Variants in RANBP2 observed in about 807,000 individuals in gnomAD.
RANBP2 encodes E3 SUMO-protein ligase RanBP2.
Under a neutral mutation model 303.6 loss-of-function variants are expected in RANBP2, and 57 were observed. That is an observed-to-expected ratio of 0.19 (90% CI 0.15 to 0.23). The LOEUF is 0.23. Ranked by LOEUF, RANBP2 falls within the 10% of genes least tolerant of loss-of-function variation. The probability of loss-of-function intolerance (pLI) is 1.00; values close to 1 mark genes in which losing one functional copy is unlikely to be tolerated. For synonymous variants in RANBP2, 1,167 were observed against 1,301.5 expected (o/e 0.90, Z 2.23); for missense variants, 3,138 against 3,780.8 (o/e 0.83, Z 4.46).
the RANBP2 span, among the ~76,000 whole-genome samples, chr2:109,162,040 C>T: frequency 6.6e-6 from 1 of 152,098 alleles, no homozygotes; most frequent in African/African-American, 2.4e-5. Flanking sequence ...TGGGATGTGT[C>T]CTCAGGATCT....
chr2:109,468,451 A>C, the RANBP2 span, among the ~76,000 whole-genome samples: 1 of 152,186 alleles, frequency 6.6e-6, no homozygotes, highest in Non-Finnish European at 1.5e-5. Flanking sequence ...AAACGTCCTT[A>C]TGTAACACAT....
the RANBP2 span, among the ~76,000 whole-genome samples, chr2:109,368,490 G>A: frequency 6.6e-6 from 1 of 151,388 alleles, no homozygotes; most frequent in African/African-American, 2.4e-5. Context: ...GATTATTGCT[G>A]GTATATGAGA....
At position 108,768,009 on chromosome 2, in the gene RANBP2, T is replaced by G; in HGVS notation, c.7470T>G (p.Asp2490Glu). ...TDVIQGDDVADATSEVEVSST... is the reference protein window; with the variant it reads ...TDVIQGDDVAEATSEVEVSST... ...TTATTCAGGGTGATGATGTAGCAGA[T>G]GCAACTTCAGAAGTTGAAGTGTCTA... Residue 2490 changes from aspartate to glutamate, a missense_variant, in exon 20 of 29, where the codon GAT becomes GAG. Physicochemically the swap from Asp to Glu is conservative, Grantham distance 45. Coordinates refer to ENST00000283195, the MANE Select transcript of RANBP2 (RefSeq NM_006267.5). 1 of 1,612,044 alleles carries G rather than the reference T, an allele frequency of 6.2e-7. No individual in the cohort carries two copies. Among genetic ancestry groups the G allele is most frequent in the Non-Finnish European group, 8.5e-7 (1 of 1,179,872 alleles).
At chr2:108,972,963 G>T in the RANBP2 span, among the ~76,000 whole-genome samples, 1 of 152,184 alleles carries the variant, frequency 6.6e-6, no homozygotes, top group Admixed American at 6.5e-5. Context: ...GTCTCAGCAG[G>T]TGTTTATTTT....
chr2:108,843,918 T>A, the RANBP2 span, among the ~76,000 whole-genome samples: 2 of 119,248 alleles, frequency 1.7e-5, no homozygotes, highest in Non-Finnish European at 3.4e-5. Flanking sequence ...TGAGACAGGG[T>A]CTTGCTCTGT....
downstream of RANBP2, among the ~76,000 whole-genome samples, chr2:108,786,180 T>C (rs1374188514): frequency 6.6e-6 from 1 of 152,026 alleles, no homozygotes; most frequent in East Asian, 1.9e-4. Flanking sequence ...CTATTCTTTT[T>C]AATACCCTGT....
intron 6 of RANBP2, among the ~76,000 whole-genome samples, chr2:108,737,330 TCTTTC>T (rs1375551867): frequency 2.1e-5 from 3 of 145,366 alleles, no homozygotes; most frequent in Admixed American, 1.4e-4. Context: ...TTTCTTTCTT[TCTTTC>T]TTTTTTTTTT....
the RANBP2 span, among the ~76,000 whole-genome samples, chr2:109,014,857 C>T: frequency 2.6e-5 from 4 of 152,196 alleles, no homozygotes; most frequent in Admixed American, 6.5e-5. Context: ...CGCGGTGGCT[C>T]ACGCCTGTAA....
chr2:109,046,540 G>C, the RANBP2 span, among the ~76,000 whole-genome samples: 1 of 151,338 alleles, frequency 6.6e-6, no homozygotes, highest in African/African-American at 2.4e-5. Context: ...CCAGGTAGCT[G>C]GGATTAGAGG....
the RANBP2 span, among the ~76,000 whole-genome samples, chr2:109,284,075 C>T: frequency 6.6e-6 from 1 of 152,154 alleles, no homozygotes; most frequent in Non-Finnish European, 1.5e-5. Context: ...CCTTGTCCTG[C>T]CCCCTGGCCT....
the RANBP2 span, among the ~76,000 whole-genome samples, chr2:108,992,351 G>A: frequency 6.6e-6 from 1 of 152,212 alleles, no homozygotes; most frequent in Admixed American, 6.5e-5. Context: ...GAGTAATCAA[G>A]TTATGAAATG....
chr2:108,962,674 CAAAA>C, the RANBP2 span, among the ~76,000 whole-genome samples: 15 of 66,862 alleles, frequency 2.2e-4, no homozygotes, highest in Admixed American at 1.3e-3. Flanking sequence ...GACTCTGTCT[CAAAA>C]AAAAAAAAAA....
At chr2:108,817,035 A>G in the RANBP2 span, among the ~76,000 whole-genome samples, 1 of 152,178 alleles carries the variant, frequency 6.6e-6, no homozygotes, top group East Asian at 1.9e-4. Flanking sequence ...CAATACTGTC[A>G]TATTGGGAAT....
At chr2:109,132,136 T>C in the RANBP2 span, among the ~76,000 whole-genome samples, 1 of 152,212 alleles carries the variant, frequency 6.6e-6, no homozygotes, top group African/African-American at 2.4e-5. Flanking sequence ...TGTTGTTTAA[T>C]AGAGGGGCAC....
At chr2:109,579,101 T>C in the RANBP2 span, among the ~76,000 whole-genome samples, 1 of 152,094 alleles carries the variant, frequency 6.6e-6, no homozygotes, top group South Asian at 2.1e-4. Flanking sequence ...CAGAATATCA[T>C]TACAGATGAT....
At chr2:108,838,411 C>G in the RANBP2 span, among the ~76,000 whole-genome samples, 6 of 152,164 alleles carry the variant, frequency 3.9e-5, no homozygotes, top group Non-Finnish European at 7.3e-5. Flanking sequence ...TAACCATTTT[C>G]CTGATTGCTA....
chr2:109,110,596 G>A, the RANBP2 span, among the ~76,000 whole-genome samples: 4 of 152,198 alleles, frequency 2.6e-5, no homozygotes, highest in African/African-American at 9.6e-5. Flanking sequence ...ATTGCTATAA[G>A]TGTAGAATCT....
At chr2:109,405,077 A>G in the RANBP2 span, among the ~76,000 whole-genome samples, 1,130 of 130,240 alleles carry the variant, frequency 8.7e-3, 19 homozygotes, top group African/African-American at 0.031. Context: ...TTCTCTTCCC[A>G]TCCTGGGCAT....
At chr2:108,866,667 G>A in the RANBP2 span, among the ~76,000 whole-genome samples, 6 of 152,042 alleles carry the variant, frequency 3.9e-5, no homozygotes, top group Non-Finnish European at 7.4e-5. Flanking sequence ...GGTGGATCAC[G>A]AGGTCAGGAG....
Sources: allele counts gnomAD v4.1 joint callset (sites outside exome capture counted in the v4.1 genomes callset), GRCh38; gene constraint gnomAD v4.1.1; transcripts MANE v1.5; gene names NCBI Gene and HGNC (gene_info 2026-07-23, HGNC 2026-07-21).